The following SARM1 variants were observed in gnomAD, a reference collection of about 807,000 sequenced individuals.
The protein encoded by SARM1 is NAD(+) hydrolase SARM1.
Under a neutral mutation model 65.1 loss-of-function variants are expected in SARM1, and 60 were observed. That is an observed-to-expected ratio of 0.92 (90% CI 0.75 to 1.14). The LOEUF (loss-of-function observed/expected upper bound fraction) is 1.14. SARM1 is among the 50% of genes most tolerant of loss of function. The pLI is 0.00. For missense variants in SARM1, 913 were observed against 1,015.7 expected, an observed-to-expected ratio of 0.90 and a Z score of 1.37; for synonymous variants, 417 against 465.4, an observed-to-expected ratio of 0.90 and a Z score of 1.34.
In SARM1 at chr17:28,372,149, G is replaced by C. The variant is rs1555584124; in HGVS notation, c.117G>C (p.Thr39=). The C allele has an allele frequency of 5.0e-6, 7 of 1,398,178 alleles. No homozygotes were observed. In the South Asian group the frequency reaches 7.9e-5, roughly 16 times the overall value. The allele number at this position is 1,398,178 out of a possible 1,614,324, so 86.6% of individuals were successfully genotyped here. The change falls in exon 1 of 9, where the codon ACG becomes ACC. Residue 39 remains threonine (T), a synonymous_variant. Transcript: ENST00000585482. The surrounding 1 kb of genome is among the most constrained non-coding windows in gnomAD (Gnocchi z 5.2). ...AVPGPDGGGG[T]GPWWAAGGRG... ...CTGGGCCAGATGGGGGCGGTGGCAC[G>C]GGCCCATGGTGGGCTGCGGGTGGCC... is the stretch of plus-strand genomic sequence containing the variant.
Position 28,396,317 on chromosome 17 carries a change from CTT to C in SARM1, c.*32_*33del. On this transcript the variant is annotated 3_prime_UTR_variant, in exon 9 of 9. Transcript: ENST00000585482. ...CCCCAGTTCCCCAGCCCTGCTGTGA[CTT>C]CCATTTCCATCGTCCTTTCTGAAGG... 6.2e-7 allele frequency: 1 copy of C among 1,611,806 alleles called. No individual in the cohort carries two copies. Among genetic ancestry groups the C allele is most frequent in the Non-Finnish European group, 8.5e-7 (1 of 1,178,490 alleles).
In SARM1 at chr17:28,385,177, A is replaced by G; in HGVS notation, c.1532A>G (p.Asp511Gly). 1 of 1,610,418 alleles carries G rather than the reference A, an allele frequency of 6.2e-7. No homozygotes were observed. Among genetic ancestry groups the G allele is most frequent in the Non-Finnish European group, 8.5e-7 (1 of 1,179,122 alleles). Residue 511 changes from aspartate (D) to glycine (G), a missense_variant, in exon 5 of 9, where the codon GAC becomes GGC. By Grantham distance (94) the Asp-to-Gly change is moderately conservative (BLOSUM62 -1). This residue lies in a region of SARM1 where 862 missense variants were observed against 952.1 expected (regional missense o/e 0.91). Transcript: ENST00000585482. This position sits in a 1 kb window ranked among gnomAD's most constrained non-coding sequence, Gnocchi z 4.5. The part of the protein sequence containing the change: ...YTYGLVSCGL[D>G]RSLLHRVSEQ... ...TACGGCCTGGTCAGCTGCGGCCTGG[A>G]CCGCTCCCTGCTGCACCGCGTGTCT...
chr17:28,388,832 G>A (rs139272714), intron 7 of SARM1, among the ~76,000 whole-genome samples: 458 of 150,174 alleles, frequency 3.0e-3, no homozygotes, highest in Non-Finnish European at 5.6e-3. Context: ...GTGCAATGGC[G>A]TGATCTTGGC....
chr17:28,371,997 C>T lies in SARM1; in HGVS notation c.-36C>T. 2.8e-6 allele frequency: 4 copies of T among 1,423,296 alleles called. No individual in the cohort carries two copies. Among genetic ancestry groups the T allele is most frequent in the Non-Finnish European group, 3.7e-6 (4 of 1,091,898 alleles). The allele number at this position is 1,423,296 out of a possible 1,614,324, so 88.2% of individuals were successfully genotyped here. A position where few individuals can be genotyped will look rare whatever the true frequency, so the allele number is the denominator to read the frequency against. ...CCCGGGTCTCTCCGCGTGGCCCCGC[C>T]TCCAGGCCGGGGATGTCCCCCGCGG... is the stretch of plus-strand genomic sequence containing the variant. On this transcript the variant is annotated 5_prime_UTR_variant, in exon 1 of 9. Transcript: ENST00000585482.
At chr17:28,379,407 T>G (rs2068009421) in intron 1 of SARM1, among the ~76,000 whole-genome samples, 2 of 146,778 alleles carry the variant, frequency 1.4e-5, no homozygotes, top group South Asian at 4.4e-4. Flanking sequence ...GCCTCCTGGG[T>G]TCACACCAGT....
At chr17:28,375,594 TAA>T (rs201007293) in intron 1 of SARM1, among the ~76,000 whole-genome samples, 42 of 94,726 alleles carry the variant, frequency 4.4e-4, no homozygotes, top group Admixed American at 7.8e-4. Context: ...AGACTCCATC[TAA>T]AAAAAAAAAA....
At chr17:28,392,717 TC>T (rs1555587081) in intron 7 of SARM1, among the ~76,000 whole-genome samples, 2 of 152,124 alleles carry the variant, frequency 1.3e-5, no homozygotes, top group Non-Finnish European at 2.9e-5. Context: ...ATGGAGCGGC[TC>T]CCCAGGAAGC....
chr17:28,392,439 C>T (rs2068085514), intron 7 of SARM1, among the ~76,000 whole-genome samples: 1 of 152,136 alleles, frequency 6.6e-6, no homozygotes, highest in Admixed American at 6.6e-5. Context: ...TCTTGGCCAG[C>T]CTCTGAATCT....
In SARM1 at chr17:28,388,534, C is replaced by T. The variant is rs782225790; in HGVS notation, c.1918C>T (p.His640Tyr). The T allele has an allele frequency of 1.2e-6, 2 of 1,612,846 alleles. No homozygotes were observed. The highest frequency in any genetic ancestry group is 1.7e-6 in the Non-Finnish European group (2 of 1,179,768). ...AGACCATGACTGCAAGGATTGGGTG[C>T]ATAAGGTAGGTGCCTGCCTATGCTT... ...MQDHDCKDWV[H>Y]KEIVTALSCG... Residue 640 changes from histidine to tyrosine, a missense_variant, in exon 7 of 9, where the codon CAT becomes TAT. His to Tyr is a moderately conservative substitution (Grantham distance 83). This residue lies in a region of SARM1 where 862 missense variants were observed against 952.1 expected (regional missense o/e 0.91). Coordinates refer to ENST00000585482, the MANE Select transcript of SARM1 (RefSeq NM_015077.4).
chr17:28,375,984 C>G (rs2067987241), intron 1 of SARM1, among the ~76,000 whole-genome samples: 1 of 152,054 alleles, frequency 6.6e-6, no homozygotes, highest in Non-Finnish European at 1.5e-5. Context: ...TACAATCTTC[C>G]CCTCCTTTGG....
Position 28,381,276 on chromosome 17 carries a change from C to T in SARM1, c.544C>T (p.Arg182Trp), listed in dbSNP as rs1555585173. Residue 182 changes from arginine to tryptophan, a missense_variant, in exon 2 of 9, where the codon CGG becomes TGG. Arg to Trp is a moderately radical substitution (Grantham distance 101). This residue lies in a region of SARM1 where 862 missense variants were observed against 952.1 expected (regional missense o/e 0.91). Coordinates refer to ENST00000585482, the MANE Select transcript of SARM1 (RefSeq NM_015077.4). ...GGAACGCGAACCCGTAGAGCTGGCG[C>T]GGAGCGTGGCAGGCATCTTGGAGCA... The part of the protein sequence containing the change: ...AKEREPVELA[R>W]SVAGILEHMF... 2 of 1,608,396 alleles carry T rather than the reference C, an allele frequency of 1.2e-6. No homozygotes were observed. Among genetic ancestry groups the T allele is most frequent in the Non-Finnish European group, 1.7e-6 (2 of 1,177,722 alleles).
intron 7 of SARM1, among the ~76,000 whole-genome samples, chr17:28,390,350 T>C (rs1341131051): frequency 6.6e-6 from 1 of 152,148 alleles, no homozygotes; most frequent in Non-Finnish European, 1.5e-5. Context: ...AAATGTTTCT[T>C]ATCAGACTTA....
intron 5 of SARM1, 40 bp from the exon 6 acceptor site, chr17:28,388,134 G>T: frequency 7.2e-7 from 1 of 1,381,566 alleles, no homozygotes. Flanking sequence ...GAGTGATGCG[G>T]AGGGGCCACC....
chr17:28,382,630 C>T (rs1047809900), intron 2 of SARM1, among the ~76,000 whole-genome samples: 1 of 152,218 alleles, frequency 6.6e-6, no homozygotes, highest in African/African-American at 2.4e-5. Flanking sequence ...ATCTGGGCCT[C>T]ATTTTTATCT....
At position 28,402,397 on chromosome 17, in the gene SARM1, T is replaced by G; in HGVS notation, c.*6111T>G. On this transcript the variant is annotated 3_prime_UTR_variant, in exon 9 of 9. Transcript: ENST00000585482. ...TCCAAGGGAAAGGCAGCAGAGCTCC[T>G]ATCCATACCCCACGTGGGGCTTAGG... 1.6e-6 allele frequency: 2 copies of G among 1,281,798 alleles called. No homozygotes were observed. The highest frequency in any genetic ancestry group is 2.2e-6 in the Non-Finnish European group (2 of 897,892). The allele number at this position is 1,281,798 out of a possible 1,614,324, so 79.4% of individuals were successfully genotyped here.
rs1555586407 is a variant in SARM1 at position 28,388,400 on chromosome 17, TGGA to T, written c.1786_1788del (p.Glu596del). On this transcript the variant is annotated inframe_deletion, in exon 7 of 9. Transcript: ENST00000585482. ...CATGGCTTCAGTGTCTTCATTGATGTGGAGAAGCTGGAAGCAGGCAAGTTCGAG... is the reference window on the plus strand; with the variant it reads ...CATGGCTTCAGTGTCTTCATTGATGTGAAGCTGGAAGCAGGCAAGTTCGAG... The T allele has an allele frequency of 4.3e-6, 7 of 1,613,832 alleles. No individual in the cohort carries two copies. The East Asian group carries it at 1.6e-4, about 36-fold the overall frequency.
intron 1 of SARM1, chr17:28,374,133 TGGGCATGGTGGC>T (rs2067974896): frequency 6.7e-6 from 1 of 148,756 alleles, no homozygotes; most frequent in South Asian, 2.1e-4. Context: ...AAAAATTAGC[TGGGCATGGTGGC>T]GGGCATCTGT....
At position 28,396,338 on chromosome 17, in the gene SARM1, C is replaced by T; in HGVS notation, c.*52C>T. The T allele has an allele frequency of 6.2e-7, 1 of 1,606,160 alleles. No homozygotes were observed. Among genetic ancestry groups the T allele is most frequent in the Admixed American group, 1.7e-5 (1 of 59,822 alleles). ...GTGACTTCCATTTCCATCGTCCTTT[C>T]TGAAGGAACAGCTCCTGAAACCAGT... On this transcript the variant is annotated 3_prime_UTR_variant, in exon 9 of 9. Coordinates refer to ENST00000585482, the MANE Select transcript of SARM1 (RefSeq NM_015077.4).
chr17:28,393,883 C>T (rs1196185450), intron 7 of SARM1, among the ~76,000 whole-genome samples: 2 of 152,174 alleles, frequency 1.3e-5, no homozygotes, highest in Non-Finnish European at 2.9e-5. Context: ...AAATTTGCAA[C>T]TATAATATGT....
Sources: gnomAD v4.1 joint callset for allele counts (sites outside exome capture counted in the v4.1 genomes callset) on GRCh38, gnomAD v4.1.1 for gene constraint, gnomAD v4.1.1 regional missense constraint, Gnocchi (gnomAD v3.1) non-coding constraint, MANE v1.5 for transcripts, NCBI Gene and HGNC (gene_info 2026-07-23, HGNC 2026-07-21) for gene names.